The following ATXN7 variants were observed in gnomAD, a reference collection of about 807,000 sequenced individuals.
ATXN7 encodes ataxin 7, also known as ataxin-7.
ATXN7 carries 12 observed loss-of-function variants against 70.5 expected under a neutral mutation model. The ratio of observed to expected loss-of-function variants is 0.17; its 90% CI spans 0.11 to 0.28. The LOEUF (loss-of-function observed/expected upper bound fraction) is 0.28. Among genes scored for constraint, ATXN7 ranks in the 10% least tolerant of loss-of-function variants. The pLI is 1.00. For synonymous variants in ATXN7, 498 were observed against 448.7 expected, an observed-to-expected ratio of 1.11 and a Z score of -1.39; for missense variants, 1,256 against 1,131.7, an observed-to-expected ratio of 1.11 and a Z score of -1.58.
intron 7 of ATXN7, among the ~76,000 whole-genome samples, 188 bp downstream of exon 7, chr3:63,982,633 TG>T (rs1177453438): frequency 6.6e-6 from 1 of 150,982 alleles, no homozygotes; most frequent in African/African-American, 2.4e-5. Flanking sequence ...AGTGTGTGTG[TG>T]TGTGTGTGTG....
In ATXN7 at chr3:63,997,988, A is replaced by G. The variant is rs1023386219; in HGVS notation, c.2662-1462A>G. 4.1e-6 allele frequency: 4 copies of G among 985,288 alleles called. No homozygotes were observed. In the African/African-American group the frequency reaches 7.0e-5, roughly 17 times the overall value. The allele number at this position is 985,288 out of a possible 1,614,324, so 61.0% of individuals were successfully genotyped here. A position where few individuals can be genotyped will look rare whatever the true frequency, so the allele number is the denominator to read the frequency against. Reference sequence around the variant, plus strand: ...TTTCCTTCTTGGTTTGTAGTTACTCATTACAGTTTATAAGCATAACAGTCC... The same window carrying G: ...TTTCCTTCTTGGTTTGTAGTTACTCGTTACAGTTTATAAGCATAACAGTCC... On this transcript the variant is annotated intron_variant, in intron 12 of 12. Coordinates refer to ENST00000674280, the MANE Select transcript of ATXN7 (RefSeq NM_001377405.1).
In ATXN7 at chr3:63,996,465, C is replaced by G. The variant is rs374742012; in HGVS notation, c.2643C>G (p.Asn881Lys). ...TCCCAGGGGCACAAGGACTGATGAA[C>G]AGTTCCCTCCTTCATCAGGTAGGAA... ...GTIPGAQGLMNSSLLHQPKAR... is the reference protein window; with the variant it reads ...GTIPGAQGLMKSSLLHQPKAR... The change falls in exon 12 of 13, where the codon AAC becomes AAG. Residue 881 changes from asparagine (N) to lysine (K), a missense_variant. Asn to Lys is a moderately conservative substitution (Grantham distance 94, BLOSUM62 0). Transcript: ENST00000674280. 1 of 1,614,136 alleles carries G rather than the reference C, an allele frequency of 6.2e-7. No homozygotes were observed. The highest frequency in any genetic ancestry group is 8.5e-7 in the Non-Finnish European group (1 of 1,179,982).
intron 2 of ATXN7, among the ~76,000 whole-genome samples, 199 bp from the exon 3 acceptor site, chr3:63,912,389 C>G (rs945982399): frequency 6.6e-6 from 1 of 151,354 alleles, no homozygotes; most frequent in Admixed American, 6.6e-5. Context: ...AAAGCGAAAG[C>G]TAGCCCGCGC....
At chr3:63,863,760 G>A, upstream of ATXN7, 1 of 1,251,240 alleles carries the variant, frequency 8.0e-7, no homozygotes, top group East Asian at 3.1e-5. Context: ...GTGGCGGCGA[G>A]CGGGGCCTCA....
chr3:63,925,111 T>C (rs867034982), intron 4 of ATXN7, among the ~76,000 whole-genome samples: 24 of 152,282 alleles, frequency 1.6e-4, no homozygotes, highest in African/African-American at 5.5e-4. Flanking sequence ...ATGGATTCAG[T>C]TGCAGGTAGG....
chr3:63,970,836 C>T (rs142952726), intron 5 of ATXN7, among the ~76,000 whole-genome samples: 25 of 152,220 alleles, frequency 1.6e-4, no homozygotes, highest in African/African-American at 5.1e-4. Context: ...TGCTGCAGTG[C>T]GCGCTCTGCC....
intron 1 of ATXN7, among the ~76,000 whole-genome samples, chr3:63,867,763 G>GC (rs1414501820): frequency 1.3e-5 from 2 of 152,046 alleles, no homozygotes; most frequent in Non-Finnish European, 2.9e-5. Flanking sequence ...TGGTGGTGTG[G>GC]CCTGTAATCC....
chr3:63,998,742 A>C (rs1576010512), intron 12 of ATXN7: 1 of 962,116 alleles, frequency 1.0e-6, no homozygotes, highest in Non-Finnish European at 1.2e-6. Context: ...TATAGCTTTC[A>C]TAAGAATCTC....
rs193922929 is a variant in ATXN7, at chr3:63,912,684, G to GGCAGCA, written c.113_118dup (p.Gln38_Gln39dup). The GGCAGCA allele has an allele frequency of 0.11, 114,979 of 1,086,078 alleles. 4,589 individuals are homozygous for GGCAGCA. Among genetic ancestry groups the GGCAGCA allele is most frequent in the Middle Eastern group, 0.16 (378 of 2,378 alleles). The allele number at this position is 1,086,078 out of a possible 1,614,324, so 67.3% of individuals were successfully genotyped here. ...GGCGGAGCAGCGGCCGCGGCCGCCC[G>GGCAGCA]GCAGCAGCAGCAGCAGCAGCAGCAG... is the stretch of plus-strand genomic sequence containing the variant. On this transcript the variant is annotated inframe_insertion, in exon 3 of 13. Coordinates refer to ENST00000674280, the MANE Select transcript of ATXN7 (RefSeq NM_001377405.1).
At chr3:63,953,038 G>C (rs899384943) in intron 5 of ATXN7, among the ~76,000 whole-genome samples, 1 of 151,890 alleles carries the variant, frequency 6.6e-6, no homozygotes, top group South Asian at 2.1e-4. Flanking sequence ...CAAATCATAA[G>C]TATTTGAATA....
At chr3:63,930,814 G>C (rs1463009467) in intron 4 of ATXN7, among the ~76,000 whole-genome samples, 1 of 152,158 alleles carries the variant, frequency 6.6e-6, no homozygotes, top group Non-Finnish European at 1.5e-5. Flanking sequence ...ACAGGCATGA[G>C]CCACCGCACC....
intron 4 of ATXN7, among the ~76,000 whole-genome samples, chr3:63,940,285 TCACA>T (rs34660611): frequency 0.15 from 21,441 of 141,342 alleles, 1,609 homozygotes; most frequent in Middle Eastern, 0.21. Context: ...CCATGCCCCA[TCACA>T]CACACACACA....
chr3:63,973,595 C>T (rs2075348725), intron 5 of ATXN7, among the ~76,000 whole-genome samples: 1 of 152,164 alleles, frequency 6.6e-6, no homozygotes, highest in Non-Finnish European at 1.5e-5. Context: ...CCTCCCTCGG[C>T]CACGCTGGGT....
chr3:63,991,487 G>A (rs954828508), intron 11 of ATXN7, among the ~76,000 whole-genome samples: 1 of 152,048 alleles, frequency 6.6e-6, no homozygotes, highest in East Asian at 1.9e-4. Flanking sequence ...GAACTGAGAA[G>A]GATGGATGAG....
chr3:63,912,282 G>A (rs1397899311), intron 2 of ATXN7: 4 of 152,038 alleles, frequency 2.6e-5, no homozygotes, highest in African/African-American at 9.7e-5. Context: ...GCTGGCCTCC[G>A]CGCCAGGTCC....
chr3:63,950,503 T>G, intron 4 of ATXN7, among the ~76,000 whole-genome samples: 1 of 152,240 alleles, frequency 6.6e-6, no homozygotes, highest in Admixed American at 6.5e-5. Context: ...ATTGTTCATT[T>G]GATATCTATC....
intron 4 of ATXN7, among the ~76,000 whole-genome samples, chr3:63,937,631 G>A (rs1279987447): frequency 6.6e-6 from 1 of 152,198 alleles, no homozygotes; most frequent in Non-Finnish European, 1.5e-5. Context: ...GAATTTTTAA[G>A]TTACTTGTTT....
intron 4 of ATXN7, among the ~76,000 whole-genome samples, chr3:63,947,193 G>A (rs1332810548): frequency 1.3e-5 from 2 of 152,186 alleles, no homozygotes; most frequent in Admixed American, 6.5e-5. Context: ...CCTAGGGCCA[G>A]GTGCATTTCT....
intron 9 of ATXN7, among the ~76,000 whole-genome samples, chr3:63,988,907 G>A (rs1262010074): frequency 6.6e-6 from 1 of 152,160 alleles, no homozygotes; most frequent in Non-Finnish European, 1.5e-5. Flanking sequence ...CTTACATACT[G>A]AACCAAGTTG....
Sources: gnomAD v4.1 joint callset for allele counts (sites outside exome capture counted in the v4.1 genomes callset) on GRCh38, gnomAD v4.1.1 for gene constraint, MANE v1.5 for transcripts, NCBI Gene and HGNC (gene_info 2026-07-23, HGNC 2026-07-21) for gene names.